Variants in RAB11B observed in about 807,000 individuals in gnomAD.
RAB11B encodes the protein ras-related protein Rab-11B.
A neutral mutation model predicts 23.7 loss-of-function variants in RAB11B; 7 were observed. The ratio of observed to expected loss-of-function variants is 0.29; its 90% confidence interval spans 0.17 to 0.55. RAB11B has a LOEUF of 0.55. Among genes scored for constraint, RAB11B ranks in the 20% least tolerant of loss-of-function variants. The pLI is 0.93. For synonymous variants in RAB11B, 138 were observed against 132.0 expected, an observed-to-expected ratio of 1.05 and a Z score of -0.31; for missense variants, 189 against 320.0, an observed-to-expected ratio of 0.59 and a Z score of 3.12.
At chr19:8,398,029 A>G (rs1971409928) in intron 1 of RAB11B, among the ~76,000 whole-genome samples, 1 of 152,102 alleles carries the variant, frequency 6.6e-6, no homozygotes, top group South Asian at 2.1e-4. Flanking sequence ...GCACACACAC[A>G]CACTGATCTT....
At chr19:8,402,618 C>G in intron 4 of RAB11B, 53 bp downstream of exon 4, 2 of 1,380,296 alleles carry the variant, frequency 1.4e-6, no homozygotes, top group Non-Finnish European at 2.1e-6. Flanking sequence ...CAGGGTGGAA[C>G]ACGGCCTCTG....
intron 1 of RAB11B, 30 bp from the exon 2 acceptor site, chr19:8,399,833 G>T: frequency 6.2e-7 from 1 of 1,604,140 alleles, no homozygotes. Flanking sequence ...TGGAGTGTGG[G>T]GATTCACAGA....
rs2145514378 is a variant in RAB11B, at chr19:8,403,501, G to T, written c.600G>T (p.Val200=). The change falls in exon 5 of 5, where the codon GTG becomes GTT. Residue 200 remains valine, a synonymous_variant. Coordinates refer to ENST00000328024, the MANE Select transcript of RAB11B (RefSeq NM_004218.4). The part of the protein sequence containing the change: ...SPGNNVVDIS[V]PPTTDGQKPN... ...GGAACAACGTGGTGGACATCAGCGT[G>T]CCGCCCACCACGGACGGACAGAAGC... is the stretch of plus-strand genomic sequence containing the variant. 1 of 1,614,036 alleles carries T rather than the reference G, an allele frequency of 6.2e-7. No homozygotes were observed. Among genetic ancestry groups the T allele is most frequent in the Non-Finnish European group, 8.5e-7 (1 of 1,179,948 alleles).
In RAB11B at chr19:8,402,188, A is replaced by G. The variant is rs909506615; in HGVS notation, c.339A>G (p.Ala113=). The change falls in exon 3 of 5, where the codon GCA becomes GCG. Residue 113 remains alanine (A), a synonymous_variant. Transcript: ENST00000328024. ...GGCTGAAGGAGCTGCGGGACCACGC[A>G]GACAGCAACATCGTCATCATGCTGG... is the stretch of plus-strand genomic sequence containing the variant. ...ERWLKELRDH[A]DSNIVIMLVG... The G allele has an allele frequency of 5.0e-6, 8 of 1,595,746 alleles. No homozygotes were observed. Among genetic ancestry groups the G allele is most frequent in the South Asian group, 4.5e-5 (4 of 88,366 alleles).
intron 1 of RAB11B, among the ~76,000 whole-genome samples, chr19:8,395,553 G>A (rs964690931): frequency 4.6e-5 from 7 of 152,104 alleles, no homozygotes; most frequent in African/African-American, 1.4e-4. Flanking sequence ...CACTGTACCC[G>A]GCCATCTTTC....
intron 4 of RAB11B, chr19:8,402,996 T>C: frequency 3.0e-6 from 1 of 336,060 alleles, no homozygotes; most frequent in Non-Finnish European, 5.5e-6. Context: ...CCCCTAACCT[T>C]TGCTTTTTAA....
chr19:8,390,757 C>A (rs1375101106), intron 1 of RAB11B: 1 of 296,560 alleles, frequency 3.4e-6, no homozygotes. Context: ...GGGGCCTCCG[C>A]AGGGGGTGGA....
At position 8,399,864 on chromosome 19, in the gene RAB11B, G is replaced by C. The variant is rs755860339; in HGVS notation, c.42G>C (p.Val14=). Residue 14 remains valine, a splice_region_variant and synonymous_variant, in exon 2 of 5, where the codon GTG becomes GTC. Transcript: ENST00000328024. ...ACAGAACCTCGCCTTCCCGCCCAGT[G>C]GTGCTCATCGGGGACTCAGGCGTGG... ...RDDEYDYLFK[V]VLIGDSGVGK... 1.2e-6 allele frequency: 2 copies of C among 1,613,246 alleles called. No homozygotes were observed.
In RAB11B at chr19:8,403,472, C is replaced by T; in HGVS notation, c.571C>T (p.Pro191Ser). 1 of 1,613,876 alleles carries T rather than the reference C, an allele frequency of 6.2e-7. No homozygotes were observed. The highest frequency in any genetic ancestry group is 8.5e-7 in the Non-Finnish European group (1 of 1,179,784). Residue 191 changes from proline to serine, a missense_variant, in exon 5 of 5, where the codon CCG (proline) becomes TCG (serine). Transcript: ENST00000328024. Reference sequence around the variant, plus strand: ...AGACCGCGCTGCCCACGACGAGTCCCCGGGGAACAACGTGGTGGACATCAG... The same window carrying T: ...AGACCGCGCTGCCCACGACGAGTCCTCGGGGAACAACGTGGTGGACATCAG... ...IADRAAHDES[P>S]GNNVVDISVP...
At position 8,404,349 on chromosome 19, in the gene RAB11B, C is replaced by T. The variant is rs1311661348; in HGVS notation, c.*791C>T. ...GCCAAACCCCAGCTCTCGATCTCTT[C>T]TTCTCCCTGTGGCCCCTGCGCTGTT... On this transcript the variant is annotated 3_prime_UTR_variant, in exon 5 of 5. Transcript: ENST00000328024. 2.6e-5 allele frequency: 4 copies of T among 152,352 alleles called. No individual in the cohort carries two copies. The highest frequency in any genetic ancestry group is 4.4e-5 in the Non-Finnish European group (3 of 68,148). 9.4% of individuals were successfully genotyped at this position (152,352 alleles called of 1,614,324 possible). A position where few individuals can be genotyped will look rare whatever the true frequency, so the allele number is the denominator to read the frequency against.
At position 8,403,849 on chromosome 19, in the gene RAB11B, G is replaced by A. The variant is rs1971458135; in HGVS notation, c.*291G>A. The A allele has an allele frequency of 5.4e-6, 2 of 370,974 alleles. No homozygotes were observed. Among genetic ancestry groups the A allele is most frequent in the East Asian group, 4.6e-5 (1 of 21,592 alleles). 23.0% of individuals were successfully genotyped at this position (370,974 alleles called of 1,614,324 possible). ...GGGGCTGGCCAGAGGCGAGGAGGAC[G>A]GGCGGACGGCGCCGCCTTCTCCCCT... On this transcript the variant is annotated 3_prime_UTR_variant, in exon 5 of 5. Transcript: ENST00000328024.
chr19:8,392,785 G>A (rs1039876607), intron 1 of RAB11B, among the ~76,000 whole-genome samples: 12 of 136,124 alleles, frequency 8.8e-5, no homozygotes, highest in African/African-American at 3.3e-4. Context: ...CCGTCTCCCG[G>A]GTTCAAACGA....
chr19:8,391,993 G>A (rs1021782380), intron 1 of RAB11B, among the ~76,000 whole-genome samples: 1 of 151,870 alleles, frequency 6.6e-6, no homozygotes. Flanking sequence ...CCAAGGTCTC[G>A]CCCCTCGTGG....
At chr19:8,398,878 C>T (rs1971416222) in intron 1 of RAB11B, among the ~76,000 whole-genome samples, 1 of 152,024 alleles carries the variant, frequency 6.6e-6, no homozygotes. Context: ...ACCTCCTGGG[C>T]TCAAGCGATT....
chr19:8,398,561 C>A (rs1971413697), intron 1 of RAB11B, among the ~76,000 whole-genome samples: 1 of 152,182 alleles, frequency 6.6e-6, no homozygotes, highest in African/African-American at 2.4e-5. Flanking sequence ...GCTGCAGGCT[C>A]TTTCCTCCGG....
Position 8,396,589 on chromosome 19 carries a change from G to A in RAB11B, c.41-3274G>A, listed in dbSNP as rs1420537297. On this transcript the variant is annotated intron_variant, in intron 1 of 4. Transcript: ENST00000328024. The surrounding 1 kb of genome is among the most constrained non-coding windows in gnomAD (Gnocchi z 5.0). ...GGGGATGAGGGAGGGAGCCAGGTGT[G>A]TGCCTGGAGAAGAGCGTTTCTGGCA... Among the ~76,000 whole-genome samples, 2 of 152,172 alleles carry A rather than the reference G, an allele frequency of 1.3e-5. No homozygotes were observed. Among genetic ancestry groups the A allele is most frequent in the African/African-American group, 4.8e-5 (2 of 41,512 alleles).
intron 1 of RAB11B, 166 bp downstream of exon 1, chr19:8,390,622 G>A: frequency 1.5e-6 from 1 of 671,516 alleles, no homozygotes; most frequent in Non-Finnish European, 2.2e-6. Flanking sequence ...CATCAGCTTC[G>A]GGCTAGGATG....
chr19:8,398,143 G>C (rs1971410711), intron 1 of RAB11B, among the ~76,000 whole-genome samples: 1 of 152,160 alleles, frequency 6.6e-6, no homozygotes, highest in South Asian at 2.1e-4. Flanking sequence ...GCTGGGACAG[G>C]AAACAGTTTA....
chr19:8,403,641 C>T lies in RAB11B; in HGVS notation c.*83C>T. 6.6e-7 allele frequency: 1 copy of T among 1,519,990 alleles called. No homozygotes were observed. Among genetic ancestry groups the T allele is most frequent in the African/African-American group, 1.4e-5 (1 of 73,248 alleles). 94.2% of individuals were successfully genotyped at this position (1,519,990 alleles called of 1,614,324 possible). A position where few individuals can be genotyped will look rare whatever the true frequency, so the allele number is the denominator to read the frequency against. On this transcript the variant is annotated 3_prime_UTR_variant, in exon 5 of 5. Coordinates refer to ENST00000328024, the MANE Select transcript of RAB11B (RefSeq NM_004218.4). ...CCTCTGGCCCCTCCCTGCTGTCCCT[C>T]TGTGGCCGGCTCGTTCCAGCCCTCC... is the stretch of plus-strand genomic sequence containing the variant.
Sources: gnomAD v4.1 joint callset for allele counts (sites outside exome capture counted in the v4.1 genomes callset) on GRCh38, gnomAD v4.1.1 for gene constraint, Gnocchi (gnomAD v3.1) non-coding constraint, MANE v1.5 for transcripts, NCBI Gene and HGNC (gene_info 2026-07-23, HGNC 2026-07-21) for gene names.